The following RAB3C variants were observed in gnomAD, a reference collection of about 807,000 sequenced individuals.
The protein encoded by RAB3C is RAB3C, member RAS oncogene family.
In RAB3C, 17 loss-of-function variants were observed where a neutral mutation model predicts 26.4. The observed-to-expected ratio is 0.64, with a 90% CI of 0.44 to 0.97. The LOEUF (loss-of-function observed/expected upper bound fraction) is 0.97, where lower values mean the gene tolerates loss of function less well. Ranked by LOEUF, RAB3C falls within the 50% of genes least tolerant of loss-of-function variation. The probability of loss-of-function intolerance (pLI) is 0.00; values close to 1 mark genes in which losing one functional copy is unlikely to be tolerated. For synonymous variants in RAB3C, 91 were observed against 95.9 expected, an observed-to-expected ratio of 0.95 and a Z score of 0.30; for missense variants, 242 against 281.9, an observed-to-expected ratio of 0.86 and a Z score of 1.01.
rs560435034 is a variant in RAB3C, at chr5:58,722,814, C to T, written c.253-3188C>T. On this transcript the variant is annotated intron_variant, in intron 2 of 4. Transcript: ENST00000282878. Reference sequence around the variant, plus strand: ...TGTATATTTGTCCCAATGAGATACACTTTACGACATCTATGTTTATCCCTA... The same window carrying T: ...TGTATATTTGTCCCAATGAGATACATTTTACGACATCTATGTTTATCCCTA... Among the ~76,000 whole-genome samples, 3 of 151,940 alleles carry T rather than the reference C, an allele frequency of 2.0e-5. No homozygotes were observed. In the South Asian group the frequency reaches 6.2e-4, roughly 31 times the overall value.
chr5:58,726,680 A>G (rs1382063366), intron 3 of RAB3C, among the ~76,000 whole-genome samples: 1 of 152,024 alleles, frequency 6.6e-6, no homozygotes, highest in Non-Finnish European at 1.5e-5. Context: ...GATTTGTTAA[A>G]TAGGTTATTC....
rs1181154783 is a variant in RAB3C, at chr5:58,853,719, C to T, written c.*2368C>T. 1 of 152,146 alleles carries T rather than the reference C, an allele frequency of 6.6e-6. No homozygotes were observed. The highest frequency in any genetic ancestry group is 1.5e-5 in the Non-Finnish European group (1 of 68,032). 9.4% of individuals were successfully genotyped at this position (152,146 alleles called of 1,614,324 possible). A position where few individuals can be genotyped will look rare whatever the true frequency, so the allele number is the denominator to read the frequency against. On this transcript the variant is annotated 3_prime_UTR_variant, in exon 5 of 5. Coordinates refer to ENST00000282878, the MANE Select transcript of RAB3C (RefSeq NM_138453.4). ...CCCAAATGTCATTGCCAAGAAACAT[C>T]TGATACTTTCTAATTTCTAAACCCC...
intron 2 of RAB3C, among the ~76,000 whole-genome samples, chr5:58,700,970 T>TTTTATTTATTTATTTA (rs150630099): frequency 1.3e-5 from 2 of 148,278 alleles, no homozygotes; most frequent in African/African-American, 2.5e-5. Context: ...CTTAAAAATC[T>TTTTATTTATTTATTTA]TTTATTTATT....
chr5:58,603,907 T>C (rs935280751), intron 1 of RAB3C, among the ~76,000 whole-genome samples: 1 of 152,204 alleles, frequency 6.6e-6, no homozygotes, highest in Non-Finnish European at 1.5e-5. Flanking sequence ...GAGGGTTGGT[T>C]TTCTGGTTCC....
chr5:58,820,097 C>A (rs1167096620), intron 3 of RAB3C, among the ~76,000 whole-genome samples: 1 of 151,598 alleles, frequency 6.6e-6, no homozygotes, highest in Non-Finnish European at 1.5e-5. Flanking sequence ...GGAGTAATGA[C>A]CATCATTTTA....
At chr5:58,805,655 G>A (rs546168975) in intron 3 of RAB3C, among the ~76,000 whole-genome samples, 1 of 151,664 alleles carries the variant, frequency 6.6e-6, no homozygotes, top group East Asian at 1.9e-4. Context: ...ATTCAAGGCA[G>A]AGAACATAGA....
At chr5:58,671,542 A>C (rs1748118732) in intron 2 of RAB3C, among the ~76,000 whole-genome samples, 1 of 151,650 alleles carries the variant, frequency 6.6e-6, no homozygotes, top group African/African-American at 2.4e-5. Flanking sequence ...TGGAACCATA[A>C]AAAAAAATTG....
At chr5:58,777,103 A>C (rs1190102143) in intron 3 of RAB3C, among the ~76,000 whole-genome samples, 1 of 152,154 alleles carries the variant, frequency 6.6e-6, no homozygotes, top group African/African-American at 2.4e-5. Flanking sequence ...GGGTCTTAGT[A>C]GTTCTACCTC....
chr5:58,594,259 A>C (rs528962580), intron 1 of RAB3C, among the ~76,000 whole-genome samples: 1 of 152,338 alleles, frequency 6.6e-6, no homozygotes, highest in South Asian at 2.1e-4. Context: ...ACCAACTGGC[A>C]AATTATGACC....
intron 2 of RAB3C, among the ~76,000 whole-genome samples, chr5:58,651,244 C>T (rs1366628340): frequency 6.6e-6 from 1 of 152,148 alleles, no homozygotes; most frequent in Non-Finnish European, 1.5e-5. Flanking sequence ...GCCACAGTAC[C>T]ATTGACCACT....
intron 2 of RAB3C, among the ~76,000 whole-genome samples, chr5:58,698,295 C>T (rs933136250): frequency 1.3e-5 from 2 of 152,198 alleles, no homozygotes; most frequent in African/African-American, 4.8e-5. Flanking sequence ...GAGAGATCAG[C>T]TGTTAGTATG....
intron 2 of RAB3C, among the ~76,000 whole-genome samples, chr5:58,684,013 A>G (rs1748397016): frequency 6.6e-6 from 1 of 152,210 alleles, no homozygotes; most frequent in Admixed American, 6.5e-5. Flanking sequence ...CAGGAAAAAT[A>G]TAGTACAGCC....
intron 2 of RAB3C, among the ~76,000 whole-genome samples, chr5:58,649,944 C>G (rs1747608841): frequency 6.6e-6 from 1 of 152,192 alleles, no homozygotes. Flanking sequence ...TTTTCAGGCA[C>G]TACAGCAGCA....
intron 2 of RAB3C, among the ~76,000 whole-genome samples, chr5:58,652,631 C>G (rs1294849477): frequency 4.6e-5 from 7 of 151,228 alleles, no homozygotes; most frequent in Admixed American, 6.6e-5. Flanking sequence ...TTTCAAACCT[C>G]TGGTACTGGT....
chr5:58,697,133 C>T (rs1442268372), intron 2 of RAB3C, among the ~76,000 whole-genome samples: 2 of 152,182 alleles, frequency 1.3e-5, no homozygotes, highest in African/African-American at 2.4e-5. Context: ...TCTTTGTTCT[C>T]ATTGGTTTCA....
intron 1 of RAB3C, among the ~76,000 whole-genome samples, chr5:58,584,073 A>T (rs948404548): frequency 1.3e-5 from 2 of 152,206 alleles, no homozygotes; most frequent in Non-Finnish European, 2.9e-5. Flanking sequence ...CAGTGATCCT[A>T]CTGTGTAACA....
chr5:58,643,669 C>T (rs565627139), intron 2 of RAB3C, among the ~76,000 whole-genome samples: 1 of 152,078 alleles, frequency 6.6e-6, no homozygotes, highest in African/African-American at 2.4e-5. Context: ...GAGTGAGAAA[C>T]TCTGTCTCAA....
At chr5:58,770,857 G>A (rs959900034) in intron 3 of RAB3C, among the ~76,000 whole-genome samples, 1 of 152,082 alleles carries the variant, frequency 6.6e-6, no homozygotes, top group African/African-American at 2.4e-5. Flanking sequence ...TCAATAGGAA[G>A]AGATTGGATT....
At chr5:58,796,775 A>C in intron 3 of RAB3C, among the ~76,000 whole-genome samples, 1 of 152,132 alleles carries the variant, frequency 6.6e-6, no homozygotes, top group East Asian at 1.9e-4. Context: ...CAGGAGCAAG[A>C]GACCTTTTCC....
Sources: gnomAD v4.1 joint callset for allele counts (sites outside exome capture counted in the v4.1 genomes callset) on GRCh38, gnomAD v4.1.1 for gene constraint, MANE v1.5 for transcripts, NCBI Gene and HGNC (gene_info 2026-07-23, HGNC 2026-07-21) for gene names.